BRD3: variants seen among roughly 807,000 people sequenced by gnomAD.
BRD3 encodes the protein bromodomain containing 3.
A neutral mutation model predicts 66.8 loss-of-function variants in BRD3; 17 were observed. That is an observed-to-expected ratio of 0.25 (90% CI 0.17 to 0.38). The LOEUF (loss-of-function observed/expected upper bound fraction) is 0.38, where lower values mean the gene tolerates loss of function less well. Among genes scored for constraint, BRD3 ranks in the 10% least tolerant of loss-of-function variants. The pLI, the probability that BRD3 is intolerant of heterozygous loss-of-function variation, is 1.00. For missense variants in BRD3, 713 were observed against 956.1 expected (o/e 0.75, Z 3.35); for synonymous variants, 421 against 393.2 (o/e 1.07, Z -0.84).
intron 1 of BRD3, among the ~76,000 whole-genome samples, chr9:134,059,333 G>A (rs1260835819): frequency 2.6e-5 from 4 of 152,224 alleles, no homozygotes; most frequent in African/African-American, 9.6e-5. Flanking sequence ...CCAGGGTTCT[G>A]CCTTGCACCC....
intron 1 of BRD3, among the ~76,000 whole-genome samples, chr9:134,066,644 C>A (rs1049741857): frequency 6.6e-6 from 1 of 152,150 alleles, no homozygotes; most frequent in African/African-American, 2.4e-5. Context: ...AAACTCTTTT[C>A]CTCTTCTGTT....
intron 11 of BRD3, 37 bp downstream of exon 11, chr9:134,034,664 C>G (rs543423463): frequency 6.3e-7 from 1 of 1,599,340 alleles, no homozygotes; most frequent in African/African-American, 1.3e-5. Flanking sequence ...CCCCCCACCC[C>G]CCTAAAGAGG....
At chr9:134,037,365 A>G (rs978201739) in intron 9 of BRD3, among the ~76,000 whole-genome samples, 4 of 152,210 alleles carry the variant, frequency 2.6e-5, no homozygotes, top group African/African-American at 9.6e-5. Context: ...TGAGGTCAGG[A>G]GTTCAAGACT....
Position 134,053,561 on chromosome 9 carries a change from G to C in BRD3, c.-84C>G. ...TCTACGCTCCCTGAGAAAGCGCGAC[G>C]TCCCATTTCCGGGCCCAACCAGGCG... On this transcript the variant is annotated 5_prime_UTR_variant, in exon 2 of 12. Transcript: ENST00000303407. The C allele has an allele frequency of 1.4e-6, 2 of 1,452,212 alleles. No individual in the cohort carries two copies. The highest frequency in any genetic ancestry group is 9.0e-7 in the Non-Finnish European group (1 of 1,105,570). The allele number at this position is 1,452,212 out of a possible 1,614,324, so 90.0% of individuals were successfully genotyped here.
At chr9:134,039,395 C>T (rs1450120116) in intron 9 of BRD3, among the ~76,000 whole-genome samples, 2 of 152,218 alleles carry the variant, frequency 1.3e-5, no homozygotes, top group Non-Finnish European at 2.9e-5. Context: ...AAAAGGAACA[C>T]GTCCTACTGG....
intron 1 of BRD3, among the ~76,000 whole-genome samples, chr9:134,054,698 G>A (rs572947587): frequency 2.6e-5 from 4 of 152,318 alleles, no homozygotes; most frequent in South Asian, 2.1e-4. Flanking sequence ...GTAGACGCTC[G>A]GGGCAGACAG....
At position 134,032,934 on chromosome 9, in the gene BRD3, C is replaced by T; in HGVS notation, c.*656G>A. Reference sequence around the variant, plus strand: ...GGAAACCTGCAGGCTGCATACACAGCCGCTCTGTTCCCTCCGAGGAGCTCC... The same window carrying T: ...GGAAACCTGCAGGCTGCATACACAGTCGCTCTGTTCCCTCCGAGGAGCTCC... On this transcript the variant is annotated 3_prime_UTR_variant, in exon 12 of 12. Transcript: ENST00000303407. 7.7e-6 allele frequency: 3 copies of T among 391,238 alleles called. No individual in the cohort carries two copies. Among genetic ancestry groups the T allele is most frequent in the East Asian group, 3.6e-5 (1 of 27,648 alleles). 24.2% of individuals were successfully genotyped at this position (391,238 alleles called of 1,614,324 possible).
At chr9:134,060,197 G>A (rs1830507780) in intron 1 of BRD3, among the ~76,000 whole-genome samples, 1 of 152,216 alleles carries the variant, frequency 6.6e-6, no homozygotes, top group Non-Finnish European at 1.5e-5. Flanking sequence ...GCCTGCCTTA[G>A]ACACAAGAGG....
In BRD3 at chr9:134,031,362, G is replaced by C. The variant is rs1374902239; in HGVS notation, c.*2228C>G. The C allele has an allele frequency of 4.8e-6, 1 of 208,266 alleles. No individual in the cohort carries two copies. The highest frequency in any genetic ancestry group is 9.8e-6 in the Non-Finnish European group (1 of 102,244). 12.9% of individuals were successfully genotyped at this position (208,266 alleles called of 1,614,324 possible). Reference sequence around the variant, plus strand: ...CAGCCCCAGGCACCCCCGGCTTAGGGTGTACGTATCACCCAGCCCTGTGCT... The same window carrying C: ...CAGCCCCAGGCACCCCCGGCTTAGGCTGTACGTATCACCCAGCCCTGTGCT... On this transcript the variant is annotated 3_prime_UTR_variant, in exon 12 of 12. Transcript: ENST00000303407.
In BRD3 at chr9:134,067,964, G is replaced by A. The variant is rs1429180288; in HGVS notation, c.-133C>T. The A allele has an allele frequency of 1.4e-5, 2 of 145,484 alleles. No individual in the cohort carries two copies. The highest frequency in any genetic ancestry group is 3.1e-5 in the Non-Finnish European group (2 of 65,356). The allele number at this position is 145,484 out of a possible 1,614,324, so 9.0% of individuals were successfully genotyped here. A position where few individuals can be genotyped will look rare whatever the true frequency, so the allele number is the denominator to read the frequency against. On this transcript the variant is annotated 5_prime_UTR_variant, in exon 1 of 12. Transcript: ENST00000303407. The stretch of plus-strand genomic sequence containing the variant: ...GCGTACTTGGCCTCGCGGCTCCGGC[G>A]GCCGTCCCCTCCCGGCCCGCGCGGC...
Position 134,031,022 on chromosome 9 carries a change from C to T in BRD3, c.*2568G>A, listed in dbSNP as rs1487008155. On this transcript the variant is annotated 3_prime_UTR_variant, in exon 12 of 12. Transcript: ENST00000303407. ...GTCACCCTCAGCCCGCCAGCAAGGG[C>T]GCTGAGGAAGTCATTAATCCTTCGA... 3 of 230,630 alleles carry T rather than the reference C, an allele frequency of 1.3e-5. No homozygotes were observed. Among genetic ancestry groups the T allele is most frequent in the Admixed American group, 5.6e-5 (1 of 17,704 alleles). The allele number at this position is 230,630 out of a possible 1,614,324, so 14.3% of individuals were successfully genotyped here.
At chr9:134,043,590 C>G (rs945729582) in intron 7 of BRD3, among the ~76,000 whole-genome samples, 7 of 152,224 alleles carry the variant, frequency 4.6e-5, no homozygotes, top group Admixed American at 1.3e-4. Flanking sequence ...TCCAGGCCCC[C>G]GCTCGGCCGA....
In BRD3 at chr9:134,030,860, C is replaced by T; in HGVS notation, c.*2730G>A. The T allele has an allele frequency of 4.3e-6, 1 of 232,534 alleles. No individual in the cohort carries two copies. The highest frequency in any genetic ancestry group is 8.5e-6 in the Non-Finnish European group (1 of 117,562). 14.4% of individuals were successfully genotyped at this position (232,534 alleles called of 1,614,324 possible). On this transcript the variant is annotated 3_prime_UTR_variant, in exon 12 of 12. Coordinates refer to ENST00000303407, the MANE Select transcript of BRD3 (RefSeq NM_007371.4). ...GGGGTCATTCAGAGTGTTCTCAAAT[C>T]CAATTCCGACACACGACTTGTCACT...
chr9:134,067,385 CCCCA>C (rs1830684712), intron 1 of BRD3, among the ~76,000 whole-genome samples: 2 of 114,394 alleles, frequency 1.7e-5, no homozygotes, highest in Non-Finnish European at 4.3e-5. Context: ...CGGCGACGGT[CCCCA>C]GGCGCGGGCC....
intron 1 of BRD3, among the ~76,000 whole-genome samples, chr9:134,066,949 C>G (rs1416532077): frequency 6.6e-6 from 1 of 152,236 alleles, no homozygotes; most frequent in Non-Finnish European, 1.5e-5. Context: ...TTCTCGCCCT[C>G]CAGGGAAAGG....
At chr9:134,043,690 T>C (rs1485937541) in intron 7 of BRD3, among the ~76,000 whole-genome samples, 1 of 152,102 alleles carries the variant, frequency 6.6e-6, no homozygotes, top group Non-Finnish European at 1.5e-5. Context: ...TGCTAAATAG[T>C]GCTCAGTCAT....
At chr9:134,048,555 T>C in intron 5 of BRD3, 101 bp from the exon 6 acceptor site, 2 of 1,546,418 alleles carry the variant, frequency 1.3e-6, no homozygotes, top group Non-Finnish European at 1.7e-6. Flanking sequence ...TGCCTGGCGC[T>C]GGGCTAAGCG....
intron 1 of BRD3, among the ~76,000 whole-genome samples, chr9:134,054,997 C>G (rs1470514333): frequency 3.3e-5 from 5 of 152,196 alleles, no homozygotes; most frequent in African/African-American, 1.2e-4. Context: ...GGGCCTCATC[C>G]AGGGAAGCCC....
intron 5 of BRD3, 36 bp downstream of exon 5, chr9:134,050,338 T>TCAGG (rs1289552528): frequency 1.3e-6 from 2 of 1,586,886 alleles, no homozygotes; most frequent in African/African-American, 2.7e-5. Context: ...CTGGCCGGGC[T>TCAGG]CAGGTGCCCC....
Sources: gnomAD v4.1 joint callset for allele counts (sites outside exome capture counted in the v4.1 genomes callset) on GRCh38, gnomAD v4.1.1 for gene constraint, MANE v1.5 for transcripts, NCBI Gene and HGNC (gene_info 2026-07-23, HGNC 2026-07-21) for gene names.